TLN2: variants seen among roughly 807,000 people sequenced by gnomAD.
TLN2 encodes the protein talin-2.
Under a neutral mutation model 294.7 loss-of-function variants are expected in TLN2, and 118 were observed. The observed-to-expected ratio is 0.40, with a 90% CI of 0.34 to 0.47. TLN2 has a LOEUF of 0.47. TLN2 is among the 20% of genes least tolerant of loss of function. TLN2 has a pLI of 0.84. For missense variants in TLN2, 3,083 were observed against 3,282.2 expected (o/e 0.94, Z 1.48); for synonymous variants, 1,431 against 1,304.5 (o/e 1.10, Z -2.09).
At chr15:62,449,059 A>G (rs1299685980) in intron 1 of TLN2, among the ~76,000 whole-genome samples, 3 of 152,346 alleles carry the variant, frequency 2.0e-5, no homozygotes, top group Middle Eastern at 3.4e-3. Flanking sequence ...TGATTTTAAT[A>G]TAAAATAGTG....
At chr15:62,656,250 G>C (rs1457921895) in intron 8 of TLN2, among the ~76,000 whole-genome samples, 164 bp downstream of exon 8, 1 of 152,176 alleles carries the variant, frequency 6.6e-6, no homozygotes, top group Admixed American at 6.5e-5. Flanking sequence ...TTGTGGTGCA[G>C]GTTGATATTC....
At chr15:62,568,567 G>A (rs1292803441) in intron 1 of TLN2, among the ~76,000 whole-genome samples, 1 of 152,180 alleles carries the variant, frequency 6.6e-6, no homozygotes, top group Admixed American at 6.5e-5. Flanking sequence ...GTCTGTGTTA[G>A]CAACGGAGAT....
intron 1 of TLN2, among the ~76,000 whole-genome samples, chr15:62,453,164 C>T (rs982081988): frequency 3.3e-5 from 5 of 151,664 alleles, no homozygotes; most frequent in African/African-American, 1.2e-4. Flanking sequence ...TAAAGCAGCT[C>T]ATTGGTAAAA....
chr15:62,840,136 G>T (rs2070454575), intron 58 of TLN2, among the ~76,000 whole-genome samples: 1 of 152,132 alleles, frequency 6.6e-6, no homozygotes, highest in Non-Finnish European at 1.5e-5. Flanking sequence ...ATTTCTTCTT[G>T]GAAAAACAAG....
intron 1 of TLN2, among the ~76,000 whole-genome samples, chr15:62,534,712 G>A (rs1021546884): frequency 6.6e-6 from 1 of 152,126 alleles, no homozygotes; most frequent in African/African-American, 2.4e-5. Flanking sequence ...ATCAGGTTTT[G>A]TGACCAGCCC....
intron 1 of TLN2, among the ~76,000 whole-genome samples, chr15:62,547,330 A>G (rs2042049644): frequency 6.6e-6 from 1 of 152,242 alleles, no homozygotes; most frequent in South Asian, 2.1e-4. Flanking sequence ...TGTCTAGGAT[A>G]GTATCAATCT....
intron 2 of TLN2, among the ~76,000 whole-genome samples, chr15:62,592,148 A>G (rs142517644): frequency 6.6e-6 from 1 of 152,332 alleles, no homozygotes; most frequent in East Asian, 1.9e-4. Context: ...GGACTGAATT[A>G]TTTAGCACAG....
At chr15:62,753,656 G>A in intron 35 of TLN2, 117 bp from the exon 36 acceptor site, 3 of 1,316,212 alleles carry the variant, frequency 2.3e-6, no homozygotes, top group East Asian at 5.1e-5. Flanking sequence ...ACCTTGACCA[G>A]TTTGAACTGA....
At chr15:62,644,669 C>T (rs543055134) in intron 3 of TLN2, 17 of 442,590 alleles carry the variant, frequency 3.8e-5, no homozygotes, top group African/African-American at 3.0e-4. Context: ...TCTTGCTGTG[C>T]CCTGCAGGGC....
Position 62,722,408 on chromosome 15 carries a change from A to T in TLN2, c.3047A>T (p.Gln1016Leu). ...AKAAVPTVSD[Q>L]AAAMQLSQCA... ...GCCGCAGTGCCCACCGTGAGTGACC[A>T]GGCCGCAGCCATGCAGCTGAGCCAG... Residue 1016 changes from glutamine to leucine, a missense_variant, in exon 26 of 59, where the codon CAG becomes CTG. Coordinates refer to ENST00000636159, the MANE Select transcript of TLN2 (RefSeq NM_015059.3). 6.2e-7 allele frequency: 1 copy of T among 1,613,474 alleles called. No homozygotes were observed. Among genetic ancestry groups the T allele is most frequent in the Non-Finnish European group, 8.5e-7 (1 of 1,179,678 alleles).
chr15:62,508,895 G>A (rs1217218581), intron 1 of TLN2, among the ~76,000 whole-genome samples: 3 of 152,086 alleles, frequency 2.0e-5, no homozygotes, highest in African/African-American at 4.8e-5. Context: ...CTCCTAATCA[G>A]TATTCTTGGT....
chr15:62,582,829 G>A (rs150351217), intron 1 of TLN2, among the ~76,000 whole-genome samples: 1 of 152,280 alleles, frequency 6.6e-6, no homozygotes, highest in African/African-American at 2.4e-5. Flanking sequence ...GCCTGGGAAG[G>A]CTGCCACGGT....
At chr15:62,728,426 G>A (rs562135645) in intron 28 of TLN2, among the ~76,000 whole-genome samples, 59 of 152,268 alleles carry the variant, frequency 3.9e-4, no homozygotes, top group African/African-American at 1.4e-3. Flanking sequence ...TCCGGTCCAC[G>A]TTGTTTAGTG....
At chr15:62,427,027 C>T (rs1435720786) in intron 1 of TLN2, among the ~76,000 whole-genome samples, 1 of 152,124 alleles carries the variant, frequency 6.6e-6, no homozygotes, top group East Asian at 1.9e-4. Context: ...ACAGAAGGGG[C>T]TGGCTCAGTG....
Position 62,716,335 on chromosome 15 carries a change from C to G in TLN2, c.2639C>G (p.Ala880Gly). The G allele has an allele frequency of 6.2e-7, 1 of 1,601,620 alleles. No homozygotes were observed. The highest frequency in any genetic ancestry group is 1.7e-5 in the Admixed American group (1 of 57,360). ...TCTTTATTTTTGCCTTTGCAGGGGG[C>G]TGCAGCCAACCCAGAGAATGAGGAC... ...TARMVEAAKGAAANPENEDQQ... is the reference protein window; with the variant it reads ...TARMVEAAKGGAANPENEDQQ... The change falls in exon 23 of 59, where the codon GCT (alanine) becomes GGT (glycine). Residue 880 changes from alanine (A) to glycine (G), a missense_variant. Ala to Gly is a moderately conservative substitution (Grantham distance 60). Coordinates refer to ENST00000636159, the MANE Select transcript of TLN2 (RefSeq NM_015059.3).
chr15:62,392,393 C>T (rs1332456566), intron 1 of TLN2, among the ~76,000 whole-genome samples: 3 of 152,178 alleles, frequency 2.0e-5, no homozygotes. Context: ...CCAAAATACA[C>T]GTAAATTGCC....
At chr15:62,594,064 A>T (rs1164605652) in intron 2 of TLN2, among the ~76,000 whole-genome samples, 1 of 152,260 alleles carries the variant, frequency 6.6e-6, no homozygotes, top group Non-Finnish European at 1.5e-5. Context: ...GAGGCATTAT[A>T]CTACCTTACC....
At chr15:62,521,760 G>A (rs1272794995) in intron 1 of TLN2, among the ~76,000 whole-genome samples, 1 of 152,136 alleles carries the variant, frequency 6.6e-6, no homozygotes, top group Non-Finnish European at 1.5e-5. Context: ...ATTCCCCCAT[G>A]CAAACGGACA....
chr15:62,724,101 G>C (rs28484816), intron 26 of TLN2, among the ~76,000 whole-genome samples: 50,183 of 151,842 alleles, frequency 0.33, 8,474 homozygotes, highest in East Asian at 0.47. Context: ...TGTGCCAAGA[G>C]CATGCCACTG....
Sources: gnomAD v4.1 joint callset for allele counts (sites outside exome capture counted in the v4.1 genomes callset) on GRCh38, gnomAD v4.1.1 for gene constraint, MANE v1.5 for transcripts, NCBI Gene and HGNC (gene_info 2026-07-23, HGNC 2026-07-21) for gene names.